ABCB1: variants seen among roughly 807,000 people sequenced by gnomAD.
The protein encoded by ABCB1 is ATP-dependent translocase ABCB1.
A neutral mutation model predicts 142.0 loss-of-function variants in ABCB1; 69 were observed. That is an observed-to-expected ratio of 0.49 (90% CI 0.40 to 0.59). The LOEUF (loss-of-function observed/expected upper bound fraction) is 0.59. ABCB1 is among the 20% of genes least tolerant of loss of function. The probability of loss-of-function intolerance (pLI) is 0.00; values close to 1 mark genes in which losing one functional copy is unlikely to be tolerated. For synonymous variants in ABCB1, 532 were observed against 539.2 expected, an observed-to-expected ratio of 0.99 and a Z score of 0.18; for missense variants, 1,326 against 1,554.7, an observed-to-expected ratio of 0.85 and a Z score of 2.47.
intron 21 of ABCB1, among the ~76,000 whole-genome samples, chr7:87,522,626 G>A (rs1815564438): frequency 6.6e-6 from 1 of 152,114 alleles, no homozygotes; most frequent in African/African-American, 2.4e-5. Flanking sequence ...GATTCTTTTA[G>A]TTTCTGTTCT....
intron 1 of ABCB1, among the ~76,000 whole-genome samples, chr7:87,693,487 A>G (rs1283575135): frequency 1.3e-5 from 2 of 152,210 alleles, no homozygotes; most frequent in African/African-American, 4.8e-5. Context: ...TGAGCCATAT[A>G]GTTCCAAAGT....
chr7:87,595,740 G>C (rs1311016788), intron 3 of ABCB1, 26 bp downstream of exon 3: 1 of 1,564,068 alleles, frequency 6.4e-7, no homozygotes, highest in Non-Finnish European at 8.8e-7. Context: ...GAAGTATTTT[G>C]AATAGTTAAT....
rs28381951 is a variant in ABCB1 at position 87,537,442 on chromosome 7, G to T, written c.2398-901C>A. Among the ~76,000 whole-genome samples, 787 of 152,328 alleles carry T rather than the reference G, an allele frequency of 5.2e-3. 5 individuals are homozygous for T. The highest frequency in any genetic ancestry group is 0.018 in the African/African-American group (749 of 41,576). ...AGGATTGGGATAAAAATGGAGGTAG[G>T]GAGATCAGTTAGGAAGCTTTTGCAA... On this transcript the variant is annotated intron_variant, in intron 19 of 27. Transcript: ENST00000622132.
chr7:87,569,542 G>T (rs1440639904), intron 5 of ABCB1, among the ~76,000 whole-genome samples: 1 of 151,916 alleles, frequency 6.6e-6, no homozygotes, highest in East Asian at 1.9e-4. Flanking sequence ...TTTTTTCTGG[G>T]ATGTTTTATT....
In ABCB1 at chr7:87,651,769, T is replaced by C. The variant is rs2130378924; in HGVS notation, c.-330-50691A>G. 2.0e-5 allele frequency among the ~76,000 whole-genome samples: 3 copies of C among 152,186 alleles called. 1 individual carries two copies. The highest frequency in any genetic ancestry group is 6.8e-3 in the Middle Eastern group (2 of 292). On this transcript the variant is annotated intron_variant, in intron 1 of 28. Transcript: ENST00000265724. ...CTTTTTGATGCTGAAAGCATCCAGG[T>C]TTTAATATAAGTGTTTAAATGAGTT...
At chr7:87,566,446 A>G (rs1247908091) in intron 6 of ABCB1, among the ~76,000 whole-genome samples, 1 of 152,228 alleles carries the variant, frequency 6.6e-6, no homozygotes, top group Non-Finnish European at 1.5e-5. Context: ...GGAAATGGAC[A>G]TCGTGTACAC....
upstream of ABCB1, among the ~76,000 whole-genome samples, chr7:87,602,018 G>A (rs536622675): frequency 6.6e-6 from 1 of 152,134 alleles, no homozygotes; most frequent in East Asian, 1.9e-4. Context: ...TTTTGAGACG[G>A]AGTCTTGCTT....
chr7:87,602,005 C>A (rs1819473937), upstream of ABCB1, among the ~76,000 whole-genome samples: 1 of 151,462 alleles, frequency 6.6e-6, no homozygotes, highest in South Asian at 2.1e-4. Flanking sequence ...TTTCTTTTTT[C>A]TTTTTTGAGA....
chr7:87,700,403 G>A lies in ABCB1; in HGVS notation c.-331+12758C>T, dbSNP rs757999480. The A allele has an allele frequency of 6.4e-6, 10 of 1,551,942 alleles. 1 individual carries two copies. The highest frequency in any genetic ancestry group is 3.7e-5 in the South Asian group (3 of 80,624). On this transcript the variant is annotated intron_variant, in intron 1 of 28. Coordinates refer to the ABCB1 transcript ENST00000265724. ...ATTTTACTTTTTAAAATTTTATATC[G>A]CAATTTGTCTCCTGAAGGTCAAGTA...
At chr7:87,559,509 A>G (rs577765205) in intron 8 of ABCB1, among the ~76,000 whole-genome samples, 2 of 152,170 alleles carry the variant, frequency 1.3e-5, no homozygotes, top group South Asian at 4.1e-4. Context: ...GGATATGTCA[A>G]TCTTCCACTC....
intron 4 of ABCB1, among the ~76,000 whole-genome samples, chr7:87,581,995 A>G (rs2129906935): frequency 6.6e-6 from 1 of 152,322 alleles, no homozygotes; most frequent in East Asian, 1.9e-4. Context: ...GACAAGCATC[A>G]AAACCTTTGA....
intron 1 of ABCB1, among the ~76,000 whole-genome samples, chr7:87,616,126 CT>C (rs1820025412): frequency 6.6e-6 from 1 of 152,096 alleles, no homozygotes; most frequent in Non-Finnish European, 1.5e-5. Flanking sequence ...CATCTACCTT[CT>C]AAAATTATGT....
chr7:87,545,299 T>A (rs1429624064), intron 15 of ABCB1, among the ~76,000 whole-genome samples: 1 of 152,216 alleles, frequency 6.6e-6, no homozygotes, highest in Non-Finnish European at 1.5e-5. Flanking sequence ...CTCAATCAAG[T>A]TTACTCTGGA....
intron 1 of ABCB1, chr7:87,709,472 T>C (rs538173774): frequency 1.0e-5 from 10 of 985,432 alleles, no homozygotes; most frequent in Non-Finnish European, 1.1e-5. Flanking sequence ...AACAATGGAC[T>C]GAGCACAGGG....
At chr7:87,603,739 A>T (rs974481076), upstream of ABCB1, among the ~76,000 whole-genome samples, 22 of 152,194 alleles carry the variant, frequency 1.4e-4, no homozygotes, top group African/African-American at 5.3e-4. Context: ...GCTGCATTAA[A>T]CTATTTGGAC....
chr7:87,530,595 A>G (rs1815992239), intron 21 of ABCB1, among the ~76,000 whole-genome samples: 1 of 152,104 alleles, frequency 6.6e-6, no homozygotes, highest in Non-Finnish European at 1.5e-5. Context: ...AAAAGAAGTA[A>G]AAAAAGGGTA....
At chr7:87,610,719 A>G (rs756753136) in intron 1 of ABCB1, among the ~76,000 whole-genome samples, 1 of 152,192 alleles carries the variant, frequency 6.6e-6, no homozygotes, top group South Asian at 2.1e-4. Flanking sequence ...ACAAATAATT[A>G]TAAAAATTAT....
At chr7:87,692,345 T>C (rs1828093632) in intron 1 of ABCB1, among the ~76,000 whole-genome samples, 1 of 152,152 alleles carries the variant, frequency 6.6e-6, no homozygotes, top group Admixed American at 6.6e-5. Flanking sequence ...TAGTCTTAGC[T>C]ACTCACAAGG....
intron 2 of ABCB1, among the ~76,000 whole-genome samples, chr7:87,597,368 T>A (rs1273200763): frequency 2.0e-5 from 3 of 152,124 alleles, no homozygotes; most frequent in Non-Finnish European, 2.9e-5. Flanking sequence ...TATCCCAGCA[T>A]TATCTATTAC....
Sources: allele counts gnomAD v4.1 joint callset (sites outside exome capture counted in the v4.1 genomes callset), GRCh38; gene constraint gnomAD v4.1.1; transcripts MANE v1.5; gene names NCBI Gene and HGNC (gene_info 2026-07-23, HGNC 2026-07-21).